Variants in SNRPG observed in about 807,000 individuals in gnomAD.
The protein encoded by SNRPG is small nuclear ribonucleoprotein polypeptide G.
In SNRPG, 3 loss-of-function variants were observed where a neutral mutation model predicts 13.9. The observed-to-expected ratio is 0.22, with a 90% CI of 0.10 to 0.56. SNRPG has a LOEUF of 0.56. Ranked by LOEUF, SNRPG falls within the 20% of genes least tolerant of loss-of-function variation. SNRPG has a pLI of 0.93. For synonymous variants in SNRPG, 29 were observed against 29.3 expected (o/e 0.99, Z 0.03); for missense variants, 34 against 96.1 (o/e 0.35, Z 2.70).
intron 3 of SNRPG, chr2:70,287,682 C>A: frequency 2.4e-6 from 1 of 413,928 alleles, no homozygotes; most frequent in South Asian, 3.7e-5. Context: ...AAATGCAAAA[C>A]CTTAGTTAAG....
intron 3 of SNRPG, among the ~76,000 whole-genome samples, chr2:70,286,083 T>C (rs929393581): frequency 3.3e-5 from 5 of 152,122 alleles, no homozygotes; most frequent in Non-Finnish European, 5.9e-5. Flanking sequence ...CACACCACCA[T>C]GCCCGGCTAA....
chr2:70,290,832 A>G (rs1166275819), intron 1 of SNRPG, among the ~76,000 whole-genome samples: 5 of 134,002 alleles, frequency 3.7e-5, no homozygotes, highest in African/African-American at 1.4e-4. Flanking sequence ...CTAAAAAAAA[A>G]AAAAAAAAAA....
chr2:70,293,476 C>G (rs1319047326), intron 1 of SNRPG, 142 bp downstream of exon 1: 9 of 817,636 alleles, frequency 1.1e-5, no homozygotes, highest in Non-Finnish European at 1.7e-5. Context: ...GCGCGGGAGC[C>G]TGGCCGGGAT....
At chr2:70,283,703 G>A (rs1001641607) in intron 3 of SNRPG, among the ~76,000 whole-genome samples, 1 of 152,186 alleles carries the variant, frequency 6.6e-6, no homozygotes, top group Non-Finnish European at 1.5e-5. Flanking sequence ...GGTAGGATAA[G>A]TGTCTTGGAA....
intron 2 of SNRPG, 55 bp downstream of exon 2, chr2:70,289,295 C>G: frequency 9.6e-7 from 1 of 1,038,786 alleles, no homozygotes; most frequent in Non-Finnish European, 1.4e-6. Context: ...TGCTAAGACA[C>G]ATGTAAAAAG....
intron 3 of SNRPG, among the ~76,000 whole-genome samples, chr2:70,282,938 T>TA (rs1292677932): frequency 2.0e-5 from 3 of 150,646 alleles, no homozygotes; most frequent in Non-Finnish European, 4.4e-5. Context: ...CTACTAAAAA[T>TA]AAAAAATTAG....
intron 3 of SNRPG, among the ~76,000 whole-genome samples, chr2:70,285,229 A>T (rs1293585479): frequency 6.6e-6 from 1 of 152,200 alleles, no homozygotes; most frequent in African/African-American, 2.4e-5. Context: ...GACTGCCAAG[A>T]TTTATGGTAA....
intron 1 of SNRPG, 70 bp from the exon 2 acceptor site, chr2:70,289,442 ATAGTT>A (rs1697024604): frequency 1.3e-6 from 1 of 765,098 alleles, no homozygotes; most frequent in East Asian, 2.8e-5. Context: ...GTAAATAGGT[ATAGTT>A]AAGATAATTT....
intron 3 of SNRPG, among the ~76,000 whole-genome samples, chr2:70,285,555 CAGTG>C (rs1202832052): frequency 7.9e-5 from 12 of 152,062 alleles, no homozygotes; most frequent in African/African-American, 2.7e-4. Flanking sequence ...CTCGGTGACA[CAGTG>C]AGACTCTGTC....
intron 3 of SNRPG, among the ~76,000 whole-genome samples, chr2:70,284,385 T>C (rs1696889410): frequency 6.6e-6 from 1 of 152,194 alleles, no homozygotes. Context: ...ATTTTCATTT[T>C]AATTATTATT....
chr2:70,283,767 A>G (rs1489660135), intron 3 of SNRPG, among the ~76,000 whole-genome samples: 1 of 152,240 alleles, frequency 6.6e-6, no homozygotes, highest in African/African-American at 2.4e-5. Flanking sequence ...GAGCAGATTT[A>G]AAAAAGAATG....
chr2:70,293,347 C>A, intron 1 of SNRPG: 2 of 633,728 alleles, frequency 3.2e-6, no homozygotes, highest in Non-Finnish European at 5.7e-6. Context: ...CGAGGGACAG[C>A]GCCGGGTGAC....
At chr2:70,293,125 G>A (rs546703535) in intron 1 of SNRPG, 3 of 699,854 alleles carry the variant, frequency 4.3e-6, no homozygotes, top group African/African-American at 3.6e-5. Context: ...AAGGAATGAG[G>A]TTTCTAAGTA....
intron 3 of SNRPG, among the ~76,000 whole-genome samples, chr2:70,286,848 A>G (rs1166301238): frequency 6.6e-6 from 1 of 152,210 alleles, no homozygotes; most frequent in African/African-American, 2.4e-5. Context: ...CTAAAAACCT[A>G]ATCTACCTTC....
At chr2:70,293,065 G>A (rs1697143013) in intron 1 of SNRPG, 1 of 698,036 alleles carries the variant, frequency 1.4e-6, no homozygotes, top group Admixed American at 2.1e-5. Flanking sequence ...TTCAACATCA[G>A]AGCAAGATAA....
intron 1 of SNRPG, chr2:70,293,340 G>A (rs748636523): frequency 2.3e-4 from 147 of 638,128 alleles, no homozygotes; most frequent in Non-Finnish European, 3.7e-4. Context: ...CAAGGAACGA[G>A]GGACAGCGCC....
chr2:70,282,169 G>C (rs540480511), intron 3 of SNRPG, among the ~76,000 whole-genome samples: 1 of 152,246 alleles, frequency 6.6e-6, no homozygotes, highest in Middle Eastern at 3.4e-3. Flanking sequence ...GCTTGCCTCA[G>C]CCTCACAAAG....
chr2:70,293,157 AC>A (rs1386396290), intron 1 of SNRPG: 1 of 702,426 alleles, frequency 1.4e-6, no homozygotes, highest in South Asian at 1.5e-5. Flanking sequence ...ACCTACAAAC[AC>A]ATTTGCTAAG....
At chr2:70,283,115 AAAAAAAAAAC>A (rs1343817668) in intron 3 of SNRPG, among the ~76,000 whole-genome samples, 10 of 147,206 alleles carry the variant, frequency 6.8e-5, no homozygotes, top group African/African-American at 2.6e-4. Context: ...AAAAAAAAAA[AAAAAAAAAAC>A]AACAAACCAA....
Sources: allele counts gnomAD v4.1 joint callset (sites outside exome capture counted in the v4.1 genomes callset), GRCh38; gene constraint gnomAD v4.1.1; transcripts MANE v1.5; gene names NCBI Gene and HGNC (gene_info 2026-07-23, HGNC 2026-07-21).